TYW1B: variants seen among roughly 807,000 people sequenced by gnomAD.
The protein encoded by TYW1B is S-adenosyl-L-methionine-dependent tRNA 4-demethylwyosine synthase TYW1B.
TYW1B carries 73 observed loss-of-function variants against 86.9 expected under a neutral mutation model. That is an observed-to-expected ratio of 0.84 (90% CI 0.70 to 1.02). The LOEUF (loss-of-function observed/expected upper bound fraction) is 1.02. Ranked by LOEUF, TYW1B falls within the 50% of genes least tolerant of loss-of-function variation. The pLI, the probability that TYW1B is intolerant of heterozygous loss-of-function variation, is 0.00. For missense variants in TYW1B, 637 were observed against 827.4 expected (o/e 0.77, Z 2.82); for synonymous variants, 248 against 292.8 (o/e 0.85, Z 1.56).
At chr7:72,674,682 C>A (rs1438370856) in intron 11 of TYW1B, among the ~76,000 whole-genome samples, 6 of 151,998 alleles carry the variant, frequency 3.9e-5, no homozygotes, top group Non-Finnish European at 7.4e-5. Flanking sequence ...CATTTTACCC[C>A]ACGGAATTGT....
chr7:72,595,974 G>A (rs1432989553), intron 13 of TYW1B, among the ~76,000 whole-genome samples: 29 of 151,784 alleles, frequency 1.9e-4, no homozygotes, highest in Admixed American at 7.9e-4. Context: ...TCAGGAGTTC[G>A]AGACCAGCCT....
intron 10 of TYW1B, among the ~76,000 whole-genome samples, chr7:72,711,473 C>CTT (rs59438928): frequency 0.18 from 10,026 of 56,720 alleles, 3,617 homozygotes; most frequent in African/African-American, 0.24. Flanking sequence ...CTCTTTAATT[C>CTT]TTTTTTTTTT....
chr7:72,592,208 G>A (rs1265224455), intron 13 of TYW1B, among the ~76,000 whole-genome samples: 5 of 149,968 alleles, frequency 3.3e-5, no homozygotes, highest in Non-Finnish European at 7.4e-5. Context: ...TTTATGTTTT[G>A]GGGCACACAA....
At chr7:72,651,146 G>A (rs1190343679) in intron 11 of TYW1B, among the ~76,000 whole-genome samples, 2 of 152,122 alleles carry the variant, frequency 1.3e-5, no homozygotes, top group Admixed American at 1.3e-4. Flanking sequence ...AAAACTAACC[G>A]ATATAACACA....
At chr7:72,606,648 A>AG (rs1309561016) in intron 13 of TYW1B, among the ~76,000 whole-genome samples, 5 of 151,810 alleles carry the variant, frequency 3.3e-5, no homozygotes, top group African/African-American at 4.9e-5. Context: ...GTGGAGTCTA[A>AG]GGGGGGAACA....
chr7:72,776,009 T>C (rs1787947843), intron 7 of TYW1B, among the ~76,000 whole-genome samples: 1 of 152,156 alleles, frequency 6.6e-6, no homozygotes, highest in African/African-American at 2.4e-5. Flanking sequence ...ACACTCAGTG[T>C]GGTGGCTTAC....
intron 12 of TYW1B, among the ~76,000 whole-genome samples, chr7:72,623,535 G>A (rs62465955): frequency 2.0e-5 from 3 of 152,104 alleles, no homozygotes; most frequent in Non-Finnish European, 4.4e-5. Context: ...TTCATTGAAG[G>A]TGAAAGGGCC....
chr7:72,582,630 G>C (rs1260850229), intron 13 of TYW1B, among the ~76,000 whole-genome samples: 5 of 152,202 alleles, frequency 3.3e-5, no homozygotes, highest in Non-Finnish European at 7.3e-5. Flanking sequence ...TTTCACTCAA[G>C]ACAGAGCTGG....
At chr7:72,707,880 G>A (rs577364987) in intron 10 of TYW1B, among the ~76,000 whole-genome samples, 16 of 152,318 alleles carry the variant, frequency 1.1e-4, no homozygotes, top group African/African-American at 3.6e-4. Flanking sequence ...TGCTGTTCTC[G>A]TGATAATGAG....
intron 2 of TYW1B, among the ~76,000 whole-genome samples, chr7:72,824,088 C>T (rs1788882236): frequency 6.6e-6 from 1 of 151,938 alleles, no homozygotes; most frequent in Admixed American, 6.6e-5. Flanking sequence ...CCCACCTCCA[C>T]TGCTTAAGGT....
At chr7:72,774,555 T>C (rs1209173096) in intron 7 of TYW1B, among the ~76,000 whole-genome samples, 1 of 151,860 alleles carries the variant, frequency 6.6e-6, no homozygotes, top group Non-Finnish European at 1.5e-5. Flanking sequence ...ACCCCGTCTC[T>C]ACTAAAAATA....
chr7:72,629,775 C>T lies in TYW1B; in HGVS notation c.1507-778G>A, dbSNP rs187494873. On this transcript the variant is annotated intron_variant, in intron 11 of 13. Transcript: ENST00000620995. ...GTTATTCAGGCTGGTCTCGAACTCT[C>T]GGCCTTAAGTGACCCTCATGCCTGA... 4.8e-3 allele frequency among the ~76,000 whole-genome samples: 729 copies of T among 152,110 alleles called. 5 individuals carry two copies. Among genetic ancestry groups the T allele is most frequent in the Admixed American group, 5.1e-3 (78 of 15,252 alleles).
At chr7:72,619,632 A>G (rs1466177089) in intron 12 of TYW1B, among the ~76,000 whole-genome samples, 1 of 143,228 alleles carries the variant, frequency 7.0e-6, no homozygotes, top group Non-Finnish European at 1.5e-5. Flanking sequence ...TGGGCGACAG[A>G]GCAAGACTCC....
At chr7:72,754,084 A>T (rs1307823694) in intron 7 of TYW1B, among the ~76,000 whole-genome samples, 1 of 152,062 alleles carries the variant, frequency 6.6e-6, no homozygotes, top group African/African-American at 2.4e-5. Context: ...GCCTGTCTTG[A>T]TATTCTTGTA....
At chr7:72,719,979 T>C (rs1585928439) in intron 9 of TYW1B, among the ~76,000 whole-genome samples, 2 of 151,856 alleles carry the variant, frequency 1.3e-5, no homozygotes, top group South Asian at 4.2e-4. Flanking sequence ...GGGTTCTCCG[T>C]TGAGAACAGA....
intron 13 of TYW1B, among the ~76,000 whole-genome samples, chr7:72,604,292 G>A (rs534131457): frequency 6.6e-6 from 1 of 152,152 alleles, no homozygotes; most frequent in African/African-American, 2.4e-5. Flanking sequence ...GTGAAACCCT[G>A]TCTCTATTAA....
chr7:72,703,518 AT>A (rs1218394974), intron 10 of TYW1B, among the ~76,000 whole-genome samples: 6 of 152,084 alleles, frequency 3.9e-5, no homozygotes, highest in Non-Finnish European at 8.8e-5. Flanking sequence ...GCAAATGGCC[AT>A]TTGGTAATTT....
intron 6 of TYW1B, among the ~76,000 whole-genome samples, chr7:72,798,409 G>C (rs1201378449): frequency 6.6e-6 from 1 of 151,796 alleles, no homozygotes; most frequent in Non-Finnish European, 1.5e-5. Context: ...AAAATAAGTC[G>C]ATATCAGCCT....
chr7:72,674,490 T>A (rs1813689012), intron 11 of TYW1B, among the ~76,000 whole-genome samples: 2 of 151,136 alleles, frequency 1.3e-5, no homozygotes, highest in African/African-American at 4.9e-5. Context: ...ACTCAAAGAT[T>A]TTTTTTTTAA....
Sources: allele counts gnomAD v4.1 joint callset (sites outside exome capture counted in the v4.1 genomes callset), GRCh38; gene constraint gnomAD v4.1.1; transcripts MANE v1.5; gene names NCBI Gene and HGNC (gene_info 2026-07-23, HGNC 2026-07-21).